Variants in HTRA3 observed in about 807,000 individuals in gnomAD.
HTRA3 encodes HtrA serine peptidase 3, also known as serine protease HTRA3.
A neutral mutation model predicts 43.2 loss-of-function variants in HTRA3; 41 were observed. The ratio of observed to expected loss-of-function variants is 0.95; its 90% CI spans 0.74 to 1.23. The LOEUF (loss-of-function observed/expected upper bound fraction) is 1.23. Ranked by LOEUF, HTRA3 falls within the 50% of genes most tolerant of loss-of-function variation. The pLI, the probability that HTRA3 is intolerant of heterozygous loss-of-function variation, is 0.00. For synonymous variants in HTRA3, 295 were observed against 287.9 expected (o/e 1.02, Z -0.25); for missense variants, 628 against 647.1 (o/e 0.97, Z 0.32).
intron 5 of HTRA3, among the ~76,000 whole-genome samples, chr4:8,293,856 T>C (rs1713338387): frequency 6.6e-6 from 1 of 152,042 alleles, no homozygotes; most frequent in South Asian, 2.1e-4. Flanking sequence ...GCTGCAAGCT[T>C]CCCTGGAAAT....
chr4:8,291,243 A>G (rs1227003901), intron 3 of HTRA3, 127 bp from the exon 4 acceptor site: 39 of 797,642 alleles, frequency 4.9e-5, no homozygotes, highest in Non-Finnish European at 1.1e-5. Context: ...GAGCCTTCAC[A>G]GTCCTGGTGG....
At chr4:8,278,197 C>T (rs999032786) in intron 1 of HTRA3, among the ~76,000 whole-genome samples, 7 of 152,150 alleles carry the variant, frequency 4.6e-5, no homozygotes, top group African/African-American at 1.7e-4. Context: ...TCCCCCAGGA[C>T]TCCTGGGAGT....
chr4:8,285,198 C>T (rs2153005097), intron 2 of HTRA3, among the ~76,000 whole-genome samples: 1 of 152,318 alleles, frequency 6.6e-6, no homozygotes, highest in South Asian at 2.1e-4. Flanking sequence ...AGGACACCTG[C>T]AAAGACCCTG....
chr4:8,278,747 A>T, intron 1 of HTRA3, among the ~76,000 whole-genome samples: 1 of 152,138 alleles, frequency 6.6e-6, no homozygotes, highest in South Asian at 2.1e-4. Flanking sequence ...AATCCAGCAG[A>T]CCTGGGCCAG....
intron 3 of HTRA3, among the ~76,000 whole-genome samples, chr4:8,287,314 G>T (rs149897171): frequency 2.6e-5 from 4 of 152,168 alleles, no homozygotes; most frequent in Non-Finnish European, 5.9e-5. Context: ...TCAGCCAGGC[G>T]CTGACTGCAC....
At chr4:8,284,082 G>A (rs572845974) in intron 2 of HTRA3, among the ~76,000 whole-genome samples, 43 of 152,260 alleles carry the variant, frequency 2.8e-4, no homozygotes, top group African/African-American at 9.9e-4. Flanking sequence ...GGAGCTCCCT[G>A]GGCTGTGGGC....
At chr4:8,275,607 G>T (rs896576171) in intron 1 of HTRA3, among the ~76,000 whole-genome samples, 24 of 152,216 alleles carry the variant, frequency 1.6e-4, no homozygotes, top group African/African-American at 5.5e-4. Flanking sequence ...GTACAAGGGG[G>T]CCTGTGCACC....
At chr4:8,276,054 C>T (rs926724163) in intron 1 of HTRA3, among the ~76,000 whole-genome samples, 9 of 152,350 alleles carry the variant, frequency 5.9e-5, no homozygotes, top group African/African-American at 1.9e-4. Context: ...CATATGTTCC[C>T]CAAGCTGAAA....
chr4:8,298,045 C>T (rs1713516237), intron 6 of HTRA3, among the ~76,000 whole-genome samples: 1 of 152,224 alleles, frequency 6.6e-6, no homozygotes, highest in Admixed American at 6.5e-5. Flanking sequence ...CTCGTCGCCG[C>T]TCCGCCTCCA....
chr4:8,292,206 G>C, intron 4 of HTRA3, 115 bp from the exon 5 acceptor site: 1 of 849,364 alleles, frequency 1.2e-6, no homozygotes, highest in Non-Finnish European at 1.9e-6. Flanking sequence ...CGATGCTGCT[G>C]AGGATGAGAC....
At chr4:8,283,109 C>T (rs112436892) in intron 2 of HTRA3, among the ~76,000 whole-genome samples, 8 of 152,018 alleles carry the variant, frequency 5.3e-5, no homozygotes, top group Admixed American at 3.3e-4. Flanking sequence ...AGTGAACGCA[C>T]GAATCAGTGC....
At chr4:8,305,894 G>C (rs1266494712) in intron 8 of HTRA3, 77 bp from the exon 9 acceptor site, 2 of 1,523,116 alleles carry the variant, frequency 1.3e-6, no homozygotes, top group Non-Finnish European at 1.8e-6. Flanking sequence ...CCCTGACTGT[G>C]CCTCGCTCTG....
At chr4:8,293,409 G>A (rs1160402113) in intron 5 of HTRA3, among the ~76,000 whole-genome samples, 2 of 152,206 alleles carry the variant, frequency 1.3e-5, no homozygotes, top group African/African-American at 2.4e-5. Flanking sequence ...GGGACCAGGA[G>A]GACAAAGGGT....
rs771953957 is a variant in HTRA3, at chr4:8,270,274, G to A, written c.306G>A (p.Ala102=). 11 of 1,489,682 alleles carry A rather than the reference G, an allele frequency of 7.4e-6. No individual in the cohort carries two copies. The Admixed American group carries it at 1.1e-4, about 15-fold the overall frequency. The allele number at this position is 1,489,682 out of a possible 1,614,324, so 92.3% of individuals were successfully genotyped here. A position where few individuals can be genotyped will look rare whatever the true frequency, so the allele number is the denominator to read the frequency against. The change falls in exon 1 of 9, where the codon GCG becomes GCA. Residue 102 remains alanine (A), a synonymous_variant. Coordinates refer to ENST00000307358, the MANE Select transcript of HTRA3 (RefSeq NM_053044.5). ...GGCACACCTATGCCAACGTGTGCGC[G>A]CTGCAGGCGGCCAGCCGCCGCGCGC... ...TDGHTYANVC[A]LQAASRRALQ...
chr4:8,283,960 C>T (rs1338281639), intron 2 of HTRA3, among the ~76,000 whole-genome samples: 2 of 152,220 alleles, frequency 1.3e-5, no homozygotes, highest in African/African-American at 4.8e-5. Flanking sequence ...GTCACGGCCC[C>T]TCTGCCCTCC....
chr4:8,298,181 C>T (rs540244992), intron 6 of HTRA3, among the ~76,000 whole-genome samples: 24 of 152,340 alleles, frequency 1.6e-4, no homozygotes, highest in East Asian at 7.7e-4. Context: ...TCAAAACTAA[C>T]GGCAGATCAC....
In HTRA3 at chr4:8,286,565, C is replaced by T. The variant is rs1466876815; in HGVS notation, c.490C>T (p.Pro164Ser). The change falls in exon 3 of 9, where the codon CCG becomes TCG. Residue 164 changes from proline (P) to serine (S), a missense_variant. Physicochemically the swap from Pro to Ser is moderately conservative, Grantham distance 74. Transcript: ENST00000307358. This position sits in a 1 kb window ranked among gnomAD's most constrained non-coding sequence, Gnocchi z 4.9. ...CCTGTGTCTCCCTGGCTGCAGACAC[C>T]CGCTGTTTGGCCGCAACGTGCCCCT... ...VVHIELFLRHPLFGRNVPLSS... is the reference protein window; with the variant it reads ...VVHIELFLRHSLFGRNVPLSS... The T allele has an allele frequency of 1.2e-5, 20 of 1,613,418 alleles. No individual in the cohort carries two copies. Among genetic ancestry groups the T allele is most frequent in the Non-Finnish European group, 1.7e-5 (20 of 1,179,938 alleles).
intron 1 of HTRA3, among the ~76,000 whole-genome samples, chr4:8,277,443 G>T (rs1329227771): frequency 6.7e-6 from 1 of 148,246 alleles, no homozygotes; most frequent in Non-Finnish European, 1.5e-5. Context: ...CAGGCCACAG[G>T]TACACTCCCA....
chr4:8,269,849 C>A lies in HTRA3; in HGVS notation c.-120C>A. 1 of 330,138 alleles carries A rather than the reference C, an allele frequency of 3.0e-6. No individual in the cohort carries two copies. Among genetic ancestry groups the A allele is most frequent in the Non-Finnish European group, 4.4e-6 (1 of 229,226 alleles). 20.5% of individuals were successfully genotyped at this position (330,138 alleles called of 1,614,324 possible). On this transcript the variant is annotated 5_prime_UTR_variant, in exon 1 of 9. Coordinates refer to ENST00000307358, the MANE Select transcript of HTRA3 (RefSeq NM_053044.5). ...CAGCCTGAGCCACCGGCGCATGTGACCGCGCGTCCGCCCCAGTCCCATCCG... is the reference window on the plus strand; with the variant it reads ...CAGCCTGAGCCACCGGCGCATGTGAACGCGCGTCCGCCCCAGTCCCATCCG...
Sources: allele counts gnomAD v4.1 joint callset (sites outside exome capture counted in the v4.1 genomes callset), GRCh38; gene constraint gnomAD v4.1.1; non-coding constraint Gnocchi (gnomAD v3.1); transcripts MANE v1.5; gene names NCBI Gene and HGNC (gene_info 2026-07-23, HGNC 2026-07-21).